Variants in HSD17B12 observed in about 807,000 individuals in gnomAD.
HSD17B12 encodes the protein hydroxysteroid 17-beta dehydrogenase 12.
HSD17B12 carries 32 observed loss-of-function variants against 39.3 expected under a neutral mutation model. The observed-to-expected ratio is 0.81, with a 90% CI of 0.61 to 1.09. The LOEUF is 1.09. Among genes scored for constraint, HSD17B12 ranks in the 50% least tolerant of loss-of-function variants. The pLI is 0.00. For missense variants in HSD17B12, 342 were observed against 382.9 expected (o/e 0.89, Z 0.89); for synonymous variants, 150 against 146.7 (o/e 1.02, Z -0.16).
the HSD17B12 span, among the ~76,000 whole-genome samples, chr11:43,660,596 A>T: frequency 6.6e-6 from 1 of 152,262 alleles, no homozygotes. Flanking sequence ...GCAAACTGGT[A>T]CAGCCACTTT....
chr11:43,735,901 C>T (rs908816100), intron 1 of HSD17B12, among the ~76,000 whole-genome samples: 1 of 152,168 alleles, frequency 6.6e-6, no homozygotes, highest in African/African-American at 2.4e-5. Flanking sequence ...CTGCCACACG[C>T]TTTTAAACCA....
At chr11:43,582,009 G>A in the HSD17B12 span, among the ~76,000 whole-genome samples, 2 of 152,186 alleles carry the variant, frequency 1.3e-5, no homozygotes, top group African/African-American at 2.4e-5. Flanking sequence ...GGACCCGGAG[G>A]TGAGGCGAGC....
At chr11:43,854,989 T>G in intron 10 of HSD17B12, 125 bp downstream of exon 10, 54 of 1,066,416 alleles carry the variant, frequency 5.1e-5, no homozygotes, top group Non-Finnish European at 6.7e-5. Flanking sequence ...ACAAGATATC[T>G]ATATCTTGTT....
intron 1 of HSD17B12, among the ~76,000 whole-genome samples, chr11:43,746,925 A>G (rs1349418148): frequency 6.6e-6 from 1 of 152,224 alleles, no homozygotes; most frequent in Non-Finnish European, 1.5e-5. Context: ...ATTGTTATGC[A>G]GCTGCTGACT....
At chr11:43,563,799 C>G in the HSD17B12 span, among the ~76,000 whole-genome samples, 1 of 152,186 alleles carries the variant, frequency 6.6e-6, no homozygotes, top group African/African-American at 2.4e-5. Flanking sequence ...ACATGGGTGA[C>G]AGAGCAAGAT....
At chr11:43,658,066 CCCATA>C in the HSD17B12 span, among the ~76,000 whole-genome samples, 1 of 152,320 alleles carries the variant, frequency 6.6e-6, no homozygotes, top group Admixed American at 6.5e-5. Flanking sequence ...TTCACATAGT[CCCATA>C]TTTCTTGGAG....
chr11:43,717,980 T>G (rs1950140196), intron 1 of HSD17B12, among the ~76,000 whole-genome samples: 1 of 151,932 alleles, frequency 6.6e-6, no homozygotes, highest in African/African-American at 2.4e-5. Context: ...CATTTTTATA[T>G]TTTTAGTAGA....
At chr11:43,620,222 C>T in the HSD17B12 span, among the ~76,000 whole-genome samples, 5 of 152,192 alleles carry the variant, frequency 3.3e-5, no homozygotes, top group African/African-American at 4.8e-5. Flanking sequence ...ACGTACCAAC[C>T]ACTATATTCA....
the HSD17B12 span, among the ~76,000 whole-genome samples, chr11:43,564,568 T>C: frequency 3.3e-5 from 5 of 152,318 alleles, no homozygotes; most frequent in East Asian, 9.6e-4. Context: ...TGAAGGCTGG[T>C]CACTGCTGAG....
At chr11:43,609,815 C>T in the HSD17B12 span, among the ~76,000 whole-genome samples, 3 of 152,254 alleles carry the variant, frequency 2.0e-5, 1 homozygote, top group South Asian at 6.2e-4. Flanking sequence ...AACTGGTTTC[C>T]CCATTTGTAA....
At chr11:43,678,864 A>C (rs1949715686), upstream of HSD17B12, among the ~76,000 whole-genome samples, 1 of 152,186 alleles carries the variant, frequency 6.6e-6, no homozygotes, top group Non-Finnish European at 1.5e-5. Flanking sequence ...GAAGTCAGGT[A>C]GTGTGATGCC....
the HSD17B12 span, among the ~76,000 whole-genome samples, chr11:43,635,083 AC>A: frequency 6.6e-5 from 10 of 152,344 alleles, no homozygotes; most frequent in Non-Finnish European, 1.0e-4. Context: ...TATAAAAAAA[AC>A]AGATGAAGAA....
the HSD17B12 span, among the ~76,000 whole-genome samples, chr11:43,672,464 G>A: frequency 1.3e-5 from 2 of 152,198 alleles, no homozygotes; most frequent in South Asian, 4.1e-4. Flanking sequence ...GGAAAAATGG[G>A]GGTGTTATTG....
the HSD17B12 span, among the ~76,000 whole-genome samples, chr11:43,653,665 C>T: frequency 6.6e-6 from 1 of 151,916 alleles, no homozygotes; most frequent in South Asian, 2.1e-4. Flanking sequence ...GTTTTTTGTC[C>T]TTGCAATAGT....
chr11:43,593,458 G>A, the HSD17B12 span, among the ~76,000 whole-genome samples: 1 of 152,070 alleles, frequency 6.6e-6, no homozygotes, highest in Non-Finnish European at 1.5e-5. Flanking sequence ...GCAGTTATCT[G>A]TGTCTGACAA....
chr11:43,798,762 G>T (rs79803639), intron 4 of HSD17B12, among the ~76,000 whole-genome samples: 2,146 of 152,146 alleles, frequency 0.014, 68 homozygotes, highest in African/African-American at 0.047. Context: ...CTTAGTATTT[G>T]CGTATAGCTT....
At chr11:43,767,106 G>A (rs1346527126) in intron 3 of HSD17B12, among the ~76,000 whole-genome samples, 1 of 152,016 alleles carries the variant, frequency 6.6e-6, no homozygotes, top group Non-Finnish European at 1.5e-5. Context: ...CCAGACACTA[G>A]CTGTACCTCT....
At chr11:43,638,687 T>G in the HSD17B12 span, among the ~76,000 whole-genome samples, 1 of 152,194 alleles carries the variant, frequency 6.6e-6, no homozygotes, top group Non-Finnish European at 1.5e-5. Context: ...TCCCTTACTC[T>G]TTTAAGATTA....
At chr11:43,603,506 A>C in the HSD17B12 span, among the ~76,000 whole-genome samples, 1 of 152,198 alleles carries the variant, frequency 6.6e-6, no homozygotes, top group Non-Finnish European at 1.5e-5. Context: ...AAATCATTCT[A>C]AGTAGAAGAA....
Sources: allele counts gnomAD v4.1 joint callset (sites outside exome capture counted in the v4.1 genomes callset), GRCh38; gene constraint gnomAD v4.1.1; transcripts MANE v1.5; gene names NCBI Gene and HGNC (gene_info 2026-07-23, HGNC 2026-07-21).